ANO1: variants seen among roughly 807,000 people sequenced by gnomAD.
The protein encoded by ANO1 is anoctamin-1.
A neutral mutation model predicts 124.0 loss-of-function variants in ANO1; 59 were observed. The ratio of observed to expected loss-of-function variants is 0.48; its 90% CI spans 0.39 to 0.59. The LOEUF is 0.59. Ranked by LOEUF, ANO1 falls within the 20% of genes least tolerant of loss-of-function variation. ANO1 has a pLI of 0.00. For synonymous variants in ANO1, 529 were observed against 532.0 expected (o/e 0.99, Z 0.08); for missense variants, 1,059 against 1,328.0 (o/e 0.80, Z 3.15).
intron 1 of ANO1, among the ~76,000 whole-genome samples, chr11:70,011,724 ATTC>A (rs1192687259): frequency 6.6e-6 from 1 of 152,170 alleles, no homozygotes; most frequent in Non-Finnish European, 1.5e-5. Flanking sequence ...TTGGAAGTGT[ATTC>A]TTAGATCATC....
chr11:70,090,140 C>G (rs11233699), intron 2 of ANO1, among the ~76,000 whole-genome samples: 1 of 152,068 alleles, frequency 6.6e-6, no homozygotes, highest in Non-Finnish European at 1.5e-5. Context: ...CCTGCCTCAG[C>G]GGGACTACAG....
At chr11:70,108,277 C>T in intron 5 of ANO1, 76 bp from the exon 6 acceptor site, 1 of 1,466,168 alleles carries the variant, frequency 6.8e-7, no homozygotes, top group Non-Finnish European at 9.5e-7. Context: ...AGGTCCTCTC[C>T]AGCCACAGCA....
In ANO1 at chr11:70,010,179, G is replaced by GTATGTGTGTATATATATATATA. The variant is rs1188271051; in HGVS notation, c.58+24016_58+24017insGTGTGTATATATATATATATAT. On this transcript the variant is annotated intron_variant, in intron 1 of 27. Transcript: ENST00000531349. ...TGTGTGTGTGTGCGCGTGTGTGTGTGTATATATATATATATATATCACATT... is the reference window on the plus strand; with the variant it reads ...TGTGTGTGTGTGCGCGTGTGTGTGTGTATGTGTGTATATATATATATATATATATATATATATATATCACATT... 1.2e-4 allele frequency among the ~76,000 whole-genome samples: 10 copies of GTATGTGTGTATATATATATATA among 83,810 alleles called. 1 individual carries two copies. Among genetic ancestry groups the GTATGTGTGTATATATATATATA allele is most frequent in the African/African-American group, 4.7e-4 (10 of 21,332 alleles). The allele number at this position is 83,810 out of a possible 152,430, so 55.0% of individuals were successfully genotyped here.
intron 2 of ANO1, 136 bp from the exon 3 acceptor site, chr11:70,102,930 C>T (rs12293095): frequency 0.34 from 216,782 of 632,370 alleles, 38,589 homozygotes; most frequent in African/African-American, 0.46. Context: ...GTGTTGTCAA[C>T]GTGGAATGAG....
intron 12 of ANO1, 114 bp downstream of exon 12, chr11:70,149,906 C>A: frequency 2.4e-6 from 3 of 1,228,246 alleles, no homozygotes; most frequent in Non-Finnish European, 3.5e-6. Context: ...CTGGTCCAAG[C>A]TGAGGCAAGG....
At chr11:70,026,797 G>A (rs1856915620) in intron 1 of ANO1, among the ~76,000 whole-genome samples, 1 of 152,124 alleles carries the variant, frequency 6.6e-6, no homozygotes, top group Non-Finnish European at 1.5e-5. Context: ...ACTCTCCAAA[G>A]GCCCTGCCTG....
rs780623248 is a variant in ANO1, at chr11:70,153,057, G to T, written c.1354G>T (p.Asp452Tyr). ...TGTCTTGACTTGGTTTCATTCACAG[G>T]ATCATCCTAGAGCTGAATACGAAGC... is the stretch of plus-strand genomic sequence containing the variant. ...GFEEEEEAVK[D>Y]HPRAEYEARV... Residue 452 changes from aspartate (D) to tyrosine (Y), a missense_variant and splice_region_variant, in exon 14 of 26, where the codon GAT (aspartate) becomes TAT (tyrosine). This residue lies in a region of ANO1 where 809 missense variants were observed against 1,094.9 expected (regional missense o/e 0.74). Coordinates refer to ENST00000355303, the MANE Select transcript of ANO1 (RefSeq NM_018043.7). 5 of 1,603,512 alleles carry T rather than the reference G, an allele frequency of 3.1e-6. No individual in the cohort carries two copies. The highest frequency in any genetic ancestry group is 1.7e-4 in the Middle Eastern group (1 of 5,938).
At chr11:70,042,702 G>T (rs1225042986) in intron 1 of ANO1, among the ~76,000 whole-genome samples, 1 of 152,172 alleles carries the variant, frequency 6.6e-6, no homozygotes, top group African/African-American at 2.4e-5. Context: ...CTTACAGAGG[G>T]CTGGGAATAG....
intron 14 of ANO1, 116 bp from the exon 15 acceptor site, chr11:70,155,795 C>T: frequency 4.2e-6 from 4 of 948,376 alleles, no homozygotes; most frequent in Non-Finnish European, 6.1e-6. Flanking sequence ...GCTTACGGCC[C>T]GCACCAGGAG....
chr11:69,968,345 C>G, the ANO1 span, among the ~76,000 whole-genome samples: 1 of 152,174 alleles, frequency 6.6e-6, no homozygotes, highest in Non-Finnish European at 1.5e-5. Context: ...TGACCCTCTG[C>G]CTCTGGGGCC....
At chr11:69,992,412 C>T (rs1856174614) in intron 1 of ANO1, among the ~76,000 whole-genome samples, 1 of 152,130 alleles carries the variant, frequency 6.6e-6, no homozygotes, top group Non-Finnish European at 1.5e-5. Context: ...ATATTAGGAG[C>T]CACTTTGAAC....
intron 22 of ANO1, among the ~76,000 whole-genome samples, chr11:70,174,086 C>T (rs76136259): frequency 0.3 from 44,755 of 150,328 alleles, 7,795 homozygotes; most frequent in East Asian, 0.51. Context: ...CAGGTGCCCG[C>T]CACCACGCTT....
intron 1 of ANO1, among the ~76,000 whole-genome samples, chr11:70,001,989 A>G (rs1203783538): frequency 1.2e-4 from 19 of 152,032 alleles, no homozygotes; most frequent in African/African-American, 4.6e-4. Flanking sequence ...AATTACAGCC[A>G]TGTGCTGTAA....
chr11:70,148,493 T>C (rs2047465742), intron 11 of ANO1, among the ~76,000 whole-genome samples: 1 of 152,154 alleles, frequency 6.6e-6, no homozygotes, highest in Non-Finnish European at 1.5e-5. Context: ...CTAAAATTTG[T>C]ACTAAGCATC....
intron 1 of ANO1, among the ~76,000 whole-genome samples, chr11:70,036,322 T>A (rs1857092931): frequency 6.6e-6 from 1 of 152,220 alleles, no homozygotes; most frequent in Admixed American, 6.5e-5. Context: ...GTGTGTCCTT[T>A]ACAGTTGTCC....
chr11:70,057,502 G>C lies in ANO1; in HGVS notation c.59-21040G>C, dbSNP rs11232098. Among the ~76,000 whole-genome samples, 807 of 152,190 alleles carry C rather than the reference G, an allele frequency of 5.3e-3. 3 individuals are homozygous for C. Among genetic ancestry groups the C allele is most frequent in the African/African-American group, 0.019 (771 of 41,496 alleles). On this transcript the variant is annotated intron_variant, in intron 1 of 27. Coordinates refer to the ANO1 transcript ENST00000531349. ...TTTTTAATCACCTGGGTGCAGGCGA[G>C]GCAGACTGAGTCCGAAAAAGGAGTC...
chr11:70,187,992 G>C lies in ANO1; in HGVS notation c.2949G>C (p.Gly983=). ...CAGCCCCCAGCCATGCCTACCACGG[G>C]GGCGTCCTGTAGCTATGCCAGCGGG... The part of the protein sequence containing the change: ...GSPAPSHAYH[G]GVL The change falls in exon 26 of 26, where the codon GGG becomes GGC. Residue 983 remains glycine (G), a synonymous_variant. Transcript: ENST00000355303. 1 of 1,562,950 alleles carries C rather than the reference G, an allele frequency of 6.4e-7. No individual in the cohort carries two copies. The highest frequency in any genetic ancestry group is 8.7e-7 in the Non-Finnish European group (1 of 1,154,346).
At chr11:70,029,206 C>T (rs1856959669) in intron 1 of ANO1, among the ~76,000 whole-genome samples, 1 of 152,230 alleles carries the variant, frequency 6.6e-6, no homozygotes, top group African/African-American at 2.4e-5. Context: ...CGAGCAGAGC[C>T]TTCCATGCCT....
At chr11:70,149,956 A>G in intron 12 of ANO1, 164 bp downstream of exon 12, 1 of 736,990 alleles carries the variant, frequency 1.4e-6, no homozygotes, top group Non-Finnish European at 2.4e-6. Context: ...CTCGCCACTC[A>G]ACACCCTGGC....
Sources: gnomAD v4.1 joint callset for allele counts (sites outside exome capture counted in the v4.1 genomes callset) on GRCh38, gnomAD v4.1.1 for gene constraint, gnomAD v4.1.1 regional missense constraint, MANE v1.5 for transcripts, NCBI Gene and HGNC (gene_info 2026-07-23, HGNC 2026-07-21) for gene names.